The following ANO1 variants were observed in gnomAD, a reference collection of about 807,000 sequenced individuals.
The protein encoded by ANO1 is anoctamin 1.
Under a neutral mutation model 124.0 loss-of-function variants are expected in ANO1, and 59 were observed. The ratio of observed to expected loss-of-function variants is 0.48; its 90% CI spans 0.39 to 0.59. The LOEUF (loss-of-function observed/expected upper bound fraction) is 0.59, where lower values mean the gene tolerates loss of function less well. ANO1 is among the 20% of genes least tolerant of loss of function. The pLI is 0.00. For synonymous variants in ANO1, 529 were observed against 532.0 expected (o/e 0.99, Z 0.08); for missense variants, 1,059 against 1,328.0 (o/e 0.80, Z 3.15).
At chr11:70,031,957 CT>C (rs1186457421) in intron 1 of ANO1, among the ~76,000 whole-genome samples, 1 of 152,194 alleles carries the variant, frequency 6.6e-6, no homozygotes, top group African/African-American at 2.4e-5. Context: ...CCAACCCCCC[CT>C]CCTCACGGTC....
intron 1 of ANO1, among the ~76,000 whole-genome samples, chr11:70,011,588 G>A (rs1231567839): frequency 6.6e-6 from 1 of 152,200 alleles, no homozygotes; most frequent in Non-Finnish European, 1.5e-5. Flanking sequence ...ATAGCTGGAA[G>A]GCCTCATGTA....
chr11:70,089,885 C>T (rs920314056), intron 2 of ANO1, among the ~76,000 whole-genome samples: 6 of 152,216 alleles, frequency 3.9e-5, no homozygotes, highest in African/African-American at 7.2e-5. Context: ...AGGAAGGAAT[C>T]GGCTCCATCA....
intron 1 of ANO1, among the ~76,000 whole-genome samples, chr11:70,027,405 T>C (rs1452243817): frequency 6.6e-6 from 1 of 152,218 alleles, no homozygotes; most frequent in East Asian, 1.9e-4. Context: ...AAAAACAGAA[T>C]GTTTGTGTGG....
intron 25 of ANO1, among the ~76,000 whole-genome samples, chr11:70,186,352 GAGGAAGGAAGGAAGGAAGGA>G (rs58940209): frequency 1.5e-4 from 19 of 126,896 alleles, no homozygotes; most frequent in Non-Finnish European, 2.1e-4. Flanking sequence ...GAGGGGGAGG[GAGGAAGGAAGGAAGGAAGGA>G]AGGAAGGAAG....
intron 11 of ANO1, among the ~76,000 whole-genome samples, chr11:70,140,714 A>G (rs2047123816): frequency 6.6e-6 from 1 of 152,190 alleles, no homozygotes; most frequent in Non-Finnish European, 1.5e-5. Context: ...GGTTTGTGAT[A>G]AAGGATTAAT....
In ANO1 at chr11:70,070,985, A is replaced by G. The variant is rs1857858966; in HGVS notation, c.59-7557A>G. 5.3e-5 allele frequency among the ~76,000 whole-genome samples: 8 copies of G among 152,094 alleles called. No individual in the cohort carries two copies. The South Asian group carries it at 1.7e-3, about 32-fold the overall frequency. ...TCTCTTACCCAACCGCATCGCTTCC[A>G]CTTGGCAAGGTAGATGGCCCATGTA... On this transcript the variant is annotated intron_variant, in intron 1 of 27. Coordinates refer to the ANO1 transcript ENST00000531349.
At chr11:70,012,630 T>C (rs1446203942) in intron 1 of ANO1, among the ~76,000 whole-genome samples, 1 of 151,868 alleles carries the variant, frequency 6.6e-6, no homozygotes, top group African/African-American at 2.4e-5. Flanking sequence ...TGTCTAGTCA[T>C]CCATCCATCC....
At chr11:70,150,600 T>C (rs945520795) in intron 12 of ANO1, among the ~76,000 whole-genome samples, 2 of 152,184 alleles carry the variant, frequency 1.3e-5, no homozygotes, top group African/African-American at 4.8e-5. Flanking sequence ...AATGGCATGA[T>C]CATAGCTCAC....
chr11:70,172,630 G>A (rs1437152035), intron 22 of ANO1, among the ~76,000 whole-genome samples: 2 of 152,152 alleles, frequency 1.3e-5, no homozygotes, highest in East Asian at 1.9e-4. Context: ...AGCACTTTGG[G>A]AGGCGGAAGC....
intron 8 of ANO1, among the ~76,000 whole-genome samples, chr11:70,118,151 G>C (rs542604133): frequency 6.6e-6 from 1 of 151,428 alleles, no homozygotes; most frequent in Non-Finnish European, 1.5e-5. Flanking sequence ...CTTTCTAGCC[G>C]AATTCAGTTC....
At chr11:70,111,242 A>C in intron 6 of ANO1, 2 of 463,146 alleles carry the variant, frequency 4.3e-6, no homozygotes, top group South Asian at 3.1e-5. Flanking sequence ...ATCTAATTCC[A>C]AATTGTATGT....
chr11:70,062,644 A>T (rs781821339), intron 1 of ANO1, among the ~76,000 whole-genome samples: 3 of 152,158 alleles, frequency 2.0e-5, no homozygotes, highest in Non-Finnish European at 4.4e-5. Flanking sequence ...TGCCTGTCTC[A>T]GCAAGGGGGT....
chr11:70,056,954 G>GAA (rs1857450195), intron 1 of ANO1, among the ~76,000 whole-genome samples: 1 of 146,890 alleles, frequency 6.8e-6, no homozygotes, highest in Non-Finnish European at 1.5e-5. Flanking sequence ...TCTCATTTTT[G>GAA]GCTTTGGAAT....
At chr11:70,018,394 C>T (rs1020765138) in intron 1 of ANO1, 1 of 152,176 alleles carries the variant, frequency 6.6e-6, no homozygotes, top group South Asian at 2.1e-4. Context: ...ACCCTTCCAG[C>T]ATCATGGATG....
chr11:70,099,323 C>T (rs1489445702), intron 2 of ANO1, among the ~76,000 whole-genome samples: 1 of 152,134 alleles, frequency 6.6e-6, no homozygotes, highest in East Asian at 1.9e-4. Context: ...ACCCCTTTCC[C>T]GAATCTCACC....
upstream of ANO1, among the ~76,000 whole-genome samples, chr11:70,077,434 C>T (rs2044076439): frequency 6.6e-6 from 1 of 152,166 alleles, no homozygotes; most frequent in African/African-American, 2.4e-5. Flanking sequence ...GATGTGGTGG[C>T]CAGCATGGCC....
chr11:70,164,866 A>G (rs1006265530), intron 19 of ANO1, among the ~76,000 whole-genome samples: 3 of 152,116 alleles, frequency 2.0e-5, no homozygotes, highest in Non-Finnish European at 2.9e-5. Context: ...AGGCGCCCTG[A>G]GGCCCTGCCC....
At chr11:70,158,908 G>A (rs2047933983) in intron 16 of ANO1, among the ~76,000 whole-genome samples, 3 of 152,124 alleles carry the variant, frequency 2.0e-5, no homozygotes, top group Non-Finnish European at 4.4e-5. Flanking sequence ...ACCCGGCCTC[G>A]TGCTGAGGGG....
rs35077245 is a variant in ANO1 at position 70,154,460 on chromosome 11, CT to C, written c.1425+1356del. On this transcript the variant is annotated intron_variant, in intron 14 of 25. Coordinates refer to ENST00000355303, the MANE Select transcript of ANO1 (RefSeq NM_018043.7). ...TCCTATAGCCAGGAAGGAAGTATGTCTTTTTTTTTTTTTTTTTTTTTTTTGA... is the reference window on the plus strand; with the variant it reads ...TCCTATAGCCAGGAAGGAAGTATGTCTTTTTTTTTTTTTTTTTTTTTTTGA... 4.7e-3 allele frequency among the ~76,000 whole-genome samples: 394 copies of C among 84,250 alleles called. 1 individual carries two copies. Among genetic ancestry groups the C allele is most frequent in the African/African-American group, 0.013 (298 of 22,130 alleles). The allele number at this position is 84,250 out of a possible 152,430, so 55.3% of individuals were successfully genotyped here.
Sources: gnomAD v4.1 joint callset for allele counts (sites outside exome capture counted in the v4.1 genomes callset) on GRCh38, gnomAD v4.1.1 for gene constraint, MANE v1.5 for transcripts, NCBI Gene and HGNC (gene_info 2026-07-23, HGNC 2026-07-21) for gene names.